Variants in RTF1 observed in about 807,000 individuals in gnomAD.
RTF1 encodes the protein RTF1 homolog, Paf1/RNA polymerase II complex component, also known as RNA polymerase-associated protein RTF1 homolog.
In RTF1, 10 loss-of-function variants were observed where a neutral mutation model predicts 95.7. The observed-to-expected ratio is 0.10, with a 90% CI of 0.06 to 0.18. The LOEUF is 0.18. RTF1 is among the 10% of genes least tolerant of loss of function. The pLI is 1.00. For synonymous variants in RTF1, 305 were observed against 311.8 expected (o/e 0.98, Z 0.23); for missense variants, 458 against 875.6 (o/e 0.52, Z 6.02).
chr15:41,479,659 G>A (rs2050960330), intron 16 of RTF1, among the ~76,000 whole-genome samples: 3 of 151,982 alleles, frequency 2.0e-5, no homozygotes, highest in African/African-American at 4.8e-5. Flanking sequence ...TCAGGAGTTC[G>A]AGACCAGCCT....
Position 41,482,827 on chromosome 15 carries a change from T to G in RTF1, c.*2140T>G, listed in dbSNP as rs989603922. The G allele has an allele frequency of 1.3e-5, 2 of 152,488 alleles. No homozygotes were observed. The highest frequency in any genetic ancestry group is 4.8e-5 in the African/African-American group (2 of 41,454). 9.4% of individuals were successfully genotyped at this position (152,488 alleles called of 1,614,324 possible). A position where few individuals can be genotyped will look rare whatever the true frequency, so the allele number is the denominator to read the frequency against. On this transcript the variant is annotated 3_prime_UTR_variant, in exon 18 of 18. Transcript: ENST00000389629. ...CATGATGAACTTGGACTTTTTTTTTTGATTTCTGGTTTTAAAAAACATAAA... is the reference window on the plus strand; with the variant it reads ...CATGATGAACTTGGACTTTTTTTTTGGATTTCTGGTTTTAAAAAACATAAA...
At chr15:41,419,652 C>T (rs1243832546) in intron 1 of RTF1, among the ~76,000 whole-genome samples, 4 of 152,312 alleles carry the variant, frequency 2.6e-5, no homozygotes, top group Non-Finnish European at 5.9e-5. Flanking sequence ...ACTCTCAAGA[C>T]ATCTGTTCAA....
intron 1 of RTF1, among the ~76,000 whole-genome samples, chr15:41,420,211 A>G (rs762406387): frequency 6.6e-6 from 1 of 152,240 alleles, no homozygotes; most frequent in Non-Finnish European, 1.5e-5. Flanking sequence ...TTAACAACAA[A>G]TTTAACTTCC....
intron 6 of RTF1, among the ~76,000 whole-genome samples, chr15:41,469,797 T>C (rs2050900417): frequency 6.6e-6 from 1 of 152,218 alleles, no homozygotes; most frequent in African/African-American, 2.4e-5. Context: ...AGTGCTGAGA[T>C]TACAGGCGTA....
intron 1 of RTF1, among the ~76,000 whole-genome samples, chr15:41,431,319 ATTC>A (rs2050671477): frequency 7.6e-6 from 1 of 131,438 alleles, no homozygotes; most frequent in Non-Finnish European, 1.6e-5. Context: ...GTTTCAAGCA[ATTC>A]TTCTGCCTCA....
rs1317348799 is a variant in RTF1, at chr15:41,474,520, A to G, written c.1204-100A>G. On this transcript the variant is annotated intron_variant, in intron 8 of 17. Coordinates refer to ENST00000389629, the MANE Select transcript of RTF1 (RefSeq NM_015138.5). The stretch of plus-strand genomic sequence containing the variant: ...AGCTGTGGACTCTACTCAGCACTCT[A>G]TCAGTTGTCTGCGTTCAGGTAGAGA... 15 of 858,988 alleles carry G rather than the reference A, an allele frequency of 1.7e-5. No individual in the cohort carries two copies. The Middle Eastern group carries it at 1.8e-3, about 100-fold the overall frequency. 53.2% of individuals were successfully genotyped at this position (858,988 alleles called of 1,614,324 possible). A position where few individuals can be genotyped will look rare whatever the true frequency, so the allele number is the denominator to read the frequency against.
At chr15:41,462,772 T>G (rs1034714740) in intron 4 of RTF1, among the ~76,000 whole-genome samples, 1 of 152,122 alleles carries the variant, frequency 6.6e-6, no homozygotes, top group African/African-American at 2.4e-5. Flanking sequence ...GTTGTTGTTA[T>G]CAAGACAGGG....
rs2050974850 is a variant in RTF1, at chr15:41,481,487, ACCT to A, written c.*801_*803del. 6.6e-6 allele frequency: 1 copy of A among 152,170 alleles called. No individual in the cohort carries two copies. Among genetic ancestry groups the A allele is most frequent in the Non-Finnish European group, 1.5e-5 (1 of 67,928 alleles). The allele number at this position is 152,170 out of a possible 1,614,324, so 9.4% of individuals were successfully genotyped here. The stretch of plus-strand genomic sequence containing the variant: ...GTAGCTGTGTAACTTCCCCATTCCC[ACCT>A]ACTCTTCCCATCCTTTCCCAACTTT... On this transcript the variant is annotated 3_prime_UTR_variant, in exon 18 of 18. Transcript: ENST00000389629.
chr15:41,462,588 G>T (rs924639536), intron 4 of RTF1, among the ~76,000 whole-genome samples: 1 of 152,254 alleles, frequency 6.6e-6, no homozygotes, highest in Middle Eastern at 3.4e-3. Context: ...CCCACTTAAA[G>T]TGTATAATTC....
At chr15:41,432,410 G>C (rs1178087815) in intron 1 of RTF1, among the ~76,000 whole-genome samples, 3 of 150,952 alleles carry the variant, frequency 2.0e-5, no homozygotes, top group Non-Finnish European at 4.4e-5. Context: ...TGTTAGCCAG[G>C]TTGGTCTTGA....
intron 6 of RTF1, among the ~76,000 whole-genome samples, chr15:41,467,454 A>G (rs898620246): frequency 2.6e-5 from 4 of 152,070 alleles, no homozygotes; most frequent in African/African-American, 7.2e-5. Context: ...GTGCCTCACA[A>G]TTGTAATCCT....
intron 1 of RTF1, among the ~76,000 whole-genome samples, chr15:41,418,888 A>G (rs1344950060): frequency 6.6e-6 from 1 of 151,714 alleles, no homozygotes; most frequent in Non-Finnish European, 1.5e-5. Context: ...GGAGTCTCGC[A>G]CTGTCGCCCA....
chr15:41,473,568 G>A (rs1351018106), intron 8 of RTF1, among the ~76,000 whole-genome samples: 1 of 151,520 alleles, frequency 6.6e-6, no homozygotes, highest in Non-Finnish European at 1.5e-5. Flanking sequence ...GAGACACTGT[G>A]CCCAGCCTGT....
chr15:41,447,414 G>A (rs1261058953), intron 2 of RTF1, among the ~76,000 whole-genome samples: 1 of 152,094 alleles, frequency 6.6e-6, no homozygotes, highest in Non-Finnish European at 1.5e-5. Flanking sequence ...ATGGGGACCT[G>A]CTTATAACAT....
In RTF1 at chr15:41,477,212, A is replaced by G. The variant is rs2050946185; in HGVS notation, c.1608A>G (p.Gln536=). 3.1e-6 allele frequency: 5 copies of G among 1,614,130 alleles called. No homozygotes were observed. Among genetic ancestry groups the G allele is most frequent in the Non-Finnish European group, 4.2e-6 (5 of 1,180,052 alleles). Residue 536 remains glutamine (Q), a synonymous_variant, in exon 13 of 18, where the codon CAA becomes CAG. Transcript: ENST00000389629. ...LGDQDKAKQI[Q]DQLNELEERA... ...ATCAGGACAAGGCCAAACAAATCCAAGATCAACTGAATGAGCTGGAGGAAC... is the reference window on the plus strand; with the variant it reads ...ATCAGGACAAGGCCAAACAAATCCAGGATCAACTGAATGAGCTGGAGGAAC...
At chr15:41,439,736 C>T (rs1437846660) in intron 2 of RTF1, among the ~76,000 whole-genome samples, 1 of 152,232 alleles carries the variant, frequency 6.6e-6, no homozygotes, top group Non-Finnish European at 1.5e-5. Flanking sequence ...ACTGCAACCT[C>T]TGCCTCTCGG....
intron 6 of RTF1, 130 bp downstream of exon 6, chr15:41,466,382 C>T (rs957553705): frequency 1.9e-6 from 1 of 520,588 alleles, no homozygotes; most frequent in Middle Eastern, 4.4e-4. Context: ...ATAGTATAAA[C>T]ATCCACAAAC....
intron 1 of RTF1, among the ~76,000 whole-genome samples, chr15:41,437,037 A>C (rs1426095447): frequency 1.3e-5 from 2 of 151,994 alleles, no homozygotes; most frequent in African/African-American, 4.8e-5. Context: ...CAGTAAGCCG[A>C]GATCTCGCCA....
Position 41,479,000 on chromosome 15 carries a change from G to A in RTF1, c.1819-103G>A, listed in dbSNP as rs928452609. 1.6e-5 allele frequency: 12 copies of A among 729,948 alleles called. 1 individual carries two copies. The highest frequency in any genetic ancestry group is 8.6e-5 in the South Asian group (5 of 57,962). The allele number at this position is 729,948 out of a possible 1,614,324, so 45.2% of individuals were successfully genotyped here. A position where few individuals can be genotyped will look rare whatever the true frequency, so the allele number is the denominator to read the frequency against. On this transcript the variant is annotated intron_variant, in intron 15 of 17. Transcript: ENST00000389629. ...AAACCCCACTAGCTGCTGATGGGTC[G>A]GCTGTGGTGCTTGTGATGTTAGTTT... is the stretch of plus-strand genomic sequence containing the variant.
Sources: gnomAD v4.1 joint callset for allele counts (sites outside exome capture counted in the v4.1 genomes callset) on GRCh38, gnomAD v4.1.1 for gene constraint, MANE v1.5 for transcripts, NCBI Gene and HGNC (gene_info 2026-07-23, HGNC 2026-07-21) for gene names.